The following SMG6 variants were observed in gnomAD, a reference collection of about 807,000 sequenced individuals.
SMG6 encodes SMG6 nonsense mediated mRNA decay factor, also known as telomerase-binding protein EST1A.
SMG6 carries 66 observed loss-of-function variants against 142.2 expected under a neutral mutation model. That is an observed-to-expected ratio of 0.46 (90% confidence interval 0.38 to 0.57). SMG6 has a LOEUF of 0.57. SMG6 is among the 20% of genes least tolerant of loss of function. The pLI is 0.00. For synonymous variants in SMG6, 779 were observed against 702.4 expected (o/e 1.11, Z -1.72); for missense variants, 1,793 against 1,832.0 (o/e 0.98, Z 0.39).
chr17:2,188,408 A>T lies in SMG6; in HGVS notation c.2977T>A (p.Ser993Thr), dbSNP rs1243865825. The T allele has an allele frequency of 1.9e-6, 3 of 1,613,742 alleles. No individual in the cohort carries two copies. The stretch of plus-strand genomic sequence containing the variant: ...GACTCCTCCTGCTTACCTTTGGCGG[A>T]CTCCTTAAGTAAGCAGGTGCAGCGG... ...VRRCTCLLKE[S>T]AKAQLSSPED... is the part of the protein sequence containing the mutation. The change falls in exon 11 of 19, where the codon TCC (serine) becomes ACC (threonine). Residue 993 changes from serine (S) to threonine (T), a missense_variant. Physicochemically the swap from Ser to Thr is moderately conservative, Grantham distance 58. Around this residue, in one of 3 missense-constraint regions of SMG6, gnomAD observed 1,597 missense variants for 1,584.6 expected, o/e 1.01. Transcript: ENST00000263073.
At chr17:2,202,500 T>C (rs1483626921) in intron 10 of SMG6, among the ~76,000 whole-genome samples, 1 of 151,786 alleles carries the variant, frequency 6.6e-6, no homozygotes, top group Non-Finnish European at 1.5e-5. Context: ...TACAGTGAAC[T>C]AAGAACATAT....
At chr17:2,096,711 C>T (rs981884032) in intron 13 of SMG6, among the ~76,000 whole-genome samples, 5 of 152,180 alleles carry the variant, frequency 3.3e-5, no homozygotes, top group African/African-American at 7.2e-5. Flanking sequence ...ACAAATCTTT[C>T]GTAACGCCCT....
At chr17:2,239,160 G>T (rs773204069) in intron 9 of SMG6, among the ~76,000 whole-genome samples, 14 of 152,284 alleles carry the variant, frequency 9.2e-5, no homozygotes, top group South Asian at 6.2e-4. Flanking sequence ...GGACACGTAC[G>T]TAAGTATGTA....
Position 2,295,937 on chromosome 17 carries a change from C to A in SMG6, c.2151+1306G>T, listed in dbSNP as rs117162893. On this transcript the variant is annotated intron_variant, in intron 4 of 18. Transcript: ENST00000263073. ...CACCAAATCAGTCAACAATTCCATT[C>A]TATTTCCTTTCTTTCTTTCCAATCT... is the stretch of plus-strand genomic sequence containing the variant. Among the ~76,000 whole-genome samples, 535 of 152,238 alleles carry A rather than the reference C, an allele frequency of 3.5e-3. 4 individuals carry two copies. The highest frequency in any genetic ancestry group is 5.6e-3 in the Non-Finnish European group (382 of 68,014).
chr17:2,287,074 G>A (rs1440859249), intron 6 of SMG6, among the ~76,000 whole-genome samples: 2 of 152,060 alleles, frequency 1.3e-5, no homozygotes, highest in Non-Finnish European at 2.9e-5. Flanking sequence ...TGGGACTACA[G>A]GCGCCTGCCA....
intron 15 of SMG6, chr17:2,073,094 TTTTG>T (rs2068152549): frequency 6.6e-6 from 1 of 152,176 alleles, no homozygotes. Context: ...TTTTGTTTTG[TTTTG>T]TTTGAGACGG....
At chr17:2,283,193 C>T (rs1233930727) in intron 7 of SMG6, among the ~76,000 whole-genome samples, 1 of 152,158 alleles carries the variant, frequency 6.6e-6, no homozygotes, top group Admixed American at 6.5e-5. Context: ...CACACATGAG[C>T]TCAGACTTTC....
rs193044163 is a variant in SMG6, at chr17:2,138,474, A to G, written c.3357+34184T>C. On this transcript the variant is annotated intron_variant, in intron 13 of 18. Coordinates refer to ENST00000263073, the MANE Select transcript of SMG6 (RefSeq NM_017575.5). ...GCCCAGCCAGACTAAATGAAGACAT[A>G]TAACCGGAAGTCAGCCACCAGCCTG... Among the ~76,000 whole-genome samples, 185 of 152,282 alleles carry G rather than the reference A, an allele frequency of 1.2e-3. 2 individuals are homozygous for G. Among genetic ancestry groups the G allele is most frequent in the African/African-American group, 4.2e-3 (175 of 41,558 alleles).
At chr17:2,248,795 GAGC>G (rs2073977715) in intron 8 of SMG6, among the ~76,000 whole-genome samples, 2 of 152,122 alleles carry the variant, frequency 1.3e-5, no homozygotes, top group South Asian at 4.1e-4. Flanking sequence ...TGACATGAAG[GAGC>G]AGATTTGTTA....
At chr17:2,116,206 T>C (rs887540742) in intron 13 of SMG6, among the ~76,000 whole-genome samples, 2 of 152,046 alleles carry the variant, frequency 1.3e-5, no homozygotes, top group African/African-American at 4.8e-5. Flanking sequence ...GAGTAGTTGG[T>C]ACATATGGGT....
intron 13 of SMG6, among the ~76,000 whole-genome samples, chr17:2,169,110 A>G (rs2071427316): frequency 6.6e-6 from 1 of 151,734 alleles, no homozygotes; most frequent in Admixed American, 6.6e-5. Flanking sequence ...AGCTACTCAA[A>G]ATACAAAAAA....
At chr17:2,237,931 G>C (rs2073708253) in intron 9 of SMG6, among the ~76,000 whole-genome samples, 1 of 152,186 alleles carries the variant, frequency 6.6e-6, no homozygotes, top group Non-Finnish European at 1.5e-5. Context: ...TAAACAAACT[G>C]CTTGTGACAT....
chr17:2,172,508 G>T, intron 13 of SMG6, 150 bp downstream of exon 13: 1 of 750,054 alleles, frequency 1.3e-6, no homozygotes, highest in Non-Finnish European at 2.2e-6. Context: ...AGAGCTGGAT[G>T]TCAGCGGCTA....
At chr17:2,066,345 TATGTGTGTAC>T (rs1219259462) in intron 16 of SMG6, among the ~76,000 whole-genome samples, 2 of 150,046 alleles carry the variant, frequency 1.3e-5, no homozygotes, top group Non-Finnish European at 2.9e-5. Flanking sequence ...TGTATGCGTG[TATGTGTGTAC>T]ATGTGTGTAT....
At chr17:2,265,509 C>CAAAA (rs375177968) in intron 8 of SMG6, among the ~76,000 whole-genome samples, 2 of 142,834 alleles carry the variant, frequency 1.4e-5, no homozygotes, top group African/African-American at 2.6e-5. Flanking sequence ...GACTGCCTCT[C>CAAAA]AAAAAAAAAA....
intron 13 of SMG6, among the ~76,000 whole-genome samples, chr17:2,124,880 T>C (rs143133102): frequency 4.6e-5 from 7 of 152,302 alleles, no homozygotes; most frequent in Non-Finnish European, 8.8e-5. Context: ...TCAAGGAAAA[T>C]GCAATTGGGA....
chr17:2,266,069 C>T, intron 8 of SMG6: 1 of 985,354 alleles, frequency 1.0e-6, no homozygotes, highest in Admixed American at 6.1e-5. Flanking sequence ...GCCTTTCCCC[C>T]CTCTTCAGGA....
chr17:2,302,300 T>C (rs535350541), intron 1 of SMG6, among the ~76,000 whole-genome samples: 3 of 151,568 alleles, frequency 2.0e-5, no homozygotes, highest in African/African-American at 4.8e-5. Flanking sequence ...TCCCAGCACT[T>C]TGGGAGGCCA....
chr17:2,235,772 G>T (rs2073633351), intron 10 of SMG6: 1 of 152,534 alleles, frequency 6.6e-6, no homozygotes, highest in Admixed American at 6.5e-5. Flanking sequence ...TGAAGGGAAC[G>T]GAAGGGAAGG....
Sources: gnomAD v4.1 joint callset for allele counts (sites outside exome capture counted in the v4.1 genomes callset) on GRCh38, gnomAD v4.1.1 for gene constraint, gnomAD v4.1.1 regional missense constraint, MANE v1.5 for transcripts, NCBI Gene and HGNC (gene_info 2026-07-23, HGNC 2026-07-21) for gene names.